Variants in IDO2 observed in about 807,000 individuals in gnomAD.
IDO2 encodes indoleamine 2,3-dioxygenase-like 1 protein.
IDO2 carries 46 observed loss-of-function variants against 45.1 expected under a neutral mutation model. That is an observed-to-expected ratio of 1.02 (90% CI 0.80 to 1.30). The LOEUF (loss-of-function observed/expected upper bound fraction) is 1.30. IDO2 is among the 50% of genes most tolerant of loss of function. The probability of loss-of-function intolerance (pLI) is 0.00; values close to 1 mark genes in which losing one functional copy is unlikely to be tolerated. For missense variants in IDO2, 544 were observed against 491.8 expected (o/e 1.11, Z -1.00); for synonymous variants, 218 against 184.9 (o/e 1.18, Z -1.45).
intron 2 of IDO2, among the ~76,000 whole-genome samples, chr8:39,958,475 CA>C (rs570427533): frequency 4.1e-4 from 63 of 152,352 alleles, no homozygotes; most frequent in Admixed American, 4.1e-3. Context: ...CAGCTCACTG[CA>C]ACCTCCGCCT....
chr8:40,002,315 TTTCATTATCTG>T (rs1209811617), intron 8 of IDO2, among the ~76,000 whole-genome samples: 1 of 152,144 alleles, frequency 6.6e-6, no homozygotes, highest in African/African-American at 2.4e-5. Context: ...CTCTGTTCTG[TTTCATTATCTG>T]TCTTTTCCTG....
At chr8:39,946,762 G>A (rs6474199) in intron 1 of IDO2, among the ~76,000 whole-genome samples, 27,804 of 152,104 alleles carry the variant, frequency 0.18, 2,942 homozygotes, top group South Asian at 0.32. Context: ...AATTGGCTCT[G>A]TCTAGACAGT....
chr8:39,977,040 G>A (rs558959989), intron 3 of IDO2, among the ~76,000 whole-genome samples: 107 of 151,900 alleles, frequency 7.0e-4, no homozygotes, highest in East Asian at 3.7e-3. Flanking sequence ...GTGTCTAGAC[G>A]TAATAAAAAT....
chr8:39,963,075 C>T (rs1808023705), intron 2 of IDO2, among the ~76,000 whole-genome samples: 1 of 152,182 alleles, frequency 6.6e-6, no homozygotes, highest in Admixed American at 6.5e-5. Context: ...GCCTAGGCAT[C>T]TGTCTGCCTC....
At chr8:39,963,403 T>G (rs531409144) in intron 2 of IDO2, among the ~76,000 whole-genome samples, 1 of 152,250 alleles carries the variant, frequency 6.6e-6, no homozygotes, top group Non-Finnish European at 1.5e-5. Flanking sequence ...TAATGTGTTT[T>G]TCTCCCGTAC....
intron 3 of IDO2, among the ~76,000 whole-genome samples, chr8:39,965,722 A>G (rs537999697): frequency 1.1e-3 from 173 of 152,016 alleles, no homozygotes; most frequent in Non-Finnish European, 2.2e-3. Flanking sequence ...ACATAGACTC[A>G]AGGGAAAACA....
At chr8:39,983,199 G>T (rs567174953) in intron 5 of IDO2, among the ~76,000 whole-genome samples, 1 of 152,314 alleles carries the variant, frequency 6.6e-6, no homozygotes, top group South Asian at 2.1e-4. Flanking sequence ...GTTGGATTGA[G>T]AATTTGATTA....
intron 3 of IDO2, among the ~76,000 whole-genome samples, chr8:39,970,857 C>T (rs1166802367): frequency 6.7e-6 from 1 of 150,316 alleles, no homozygotes; most frequent in Non-Finnish European, 1.5e-5. Flanking sequence ...ATCTCTGCCT[C>T]CCGGGTTCAA....
intron 2 of IDO2, among the ~76,000 whole-genome samples, chr8:39,959,968 A>G (rs1285307681): frequency 6.6e-6 from 1 of 152,082 alleles, no homozygotes; most frequent in Non-Finnish European, 1.5e-5. Flanking sequence ...GATAGAGTGA[A>G]ACTGTGTCTC....
chr8:40,010,532 C>T (rs796121724), intron 9 of IDO2, among the ~76,000 whole-genome samples: 30 of 152,194 alleles, frequency 2.0e-4, no homozygotes, highest in African/African-American at 2.2e-4. Flanking sequence ...AGAATAAAGA[C>T]GGAAACAGGG....
At chr8:39,980,150 C>T (rs1808321500) in intron 4 of IDO2, among the ~76,000 whole-genome samples, 1 of 152,166 alleles carries the variant, frequency 6.6e-6, no homozygotes, top group Non-Finnish European at 1.5e-5. Context: ...TTCATAAAAA[C>T]CTCACAGCAT....
At chr8:40,007,896 A>T (rs550036186) in intron 9 of IDO2, among the ~76,000 whole-genome samples, 2 of 152,208 alleles carry the variant, frequency 1.3e-5, no homozygotes, top group South Asian at 2.1e-4. Flanking sequence ...TTCAAAACTC[A>T]TTTAGGTTGT....
At chr8:39,942,998 C>A (rs879368988) in intron 1 of IDO2, among the ~76,000 whole-genome samples, 3 of 152,120 alleles carry the variant, frequency 2.0e-5, no homozygotes, top group Non-Finnish European at 4.4e-5. Context: ...TGAGAACTTG[C>A]ATTTAGGAGG....
chr8:39,958,905 A>T (rs1807945812), intron 2 of IDO2, among the ~76,000 whole-genome samples: 1 of 152,216 alleles, frequency 6.6e-6, no homozygotes, highest in Non-Finnish European at 1.5e-5. Context: ...TTAAATTATA[A>T]ATTTGTTAAG....
intron 3 of IDO2, among the ~76,000 whole-genome samples, chr8:39,972,609 CAAAAA>C (rs35394460): frequency 2.9e-5 from 1 of 34,550 alleles, no homozygotes; most frequent in Admixed American, 5.5e-4. Flanking sequence ...GACTCCATCT[CAAAAA>C]AAAAAAAAAA....
chr8:39,950,130 G>T (rs10089533), intron 2 of IDO2, among the ~76,000 whole-genome samples: 28,684 of 152,014 alleles, frequency 0.19, 2,727 homozygotes, highest in East Asian at 0.28. Flanking sequence ...GTCATGAGTG[G>T]CAAAAGCAGA....
At chr8:39,989,868 C>G (rs1303214706) in intron 8 of IDO2, 30 bp downstream of exon 8, 1 of 1,471,392 alleles carries the variant, frequency 6.8e-7, no homozygotes, top group Non-Finnish European at 9.3e-7. Context: ...CCTGAAGGAT[C>G]CCCCAGGGGT....
chr8:40,010,837 G>A (rs1394311122), intron 9 of IDO2, among the ~76,000 whole-genome samples: 1 of 152,202 alleles, frequency 6.6e-6, no homozygotes, highest in East Asian at 1.9e-4. Flanking sequence ...GGATGTATGG[G>A]TCTGGAATAT....
rs148468675 is a variant in IDO2, at chr8:40,012,144, T to C, written c.720-1421T>C. ...AACACAGCAGTCTGTCTGTGGCTTT[T>C]ATATGTGTATATGGTGTGTGTGTAT... On this transcript the variant is annotated intron_variant, in intron 9 of 10. Transcript: ENST00000502986. Among the ~76,000 whole-genome samples the C allele has an allele frequency of 7.1e-4, 108 of 152,338 alleles. 3 individuals are homozygous for C. The East Asian group carries it at 0.019, about 27-fold the overall frequency.
Sources: allele counts gnomAD v4.1 joint callset (sites outside exome capture counted in the v4.1 genomes callset), GRCh38; gene constraint gnomAD v4.1.1; transcripts MANE v1.5; gene names NCBI Gene and HGNC (gene_info 2026-07-23, HGNC 2026-07-21).